Variants in ANKRD30B observed in about 807,000 individuals in gnomAD.
ANKRD30B encodes ankyrin repeat domain-containing protein 30B.
Under a neutral mutation model 202.2 loss-of-function variants are expected in ANKRD30B, and 144 were observed. That is an observed-to-expected ratio of 0.71 (90% CI 0.62 to 0.82). The LOEUF (loss-of-function observed/expected upper bound fraction) is 0.82. Ranked by LOEUF, ANKRD30B falls within the 40% of genes least tolerant of loss-of-function variation. The pLI, the probability that ANKRD30B is intolerant of heterozygous loss-of-function variation, is 0.00. For synonymous variants in ANKRD30B, 508 were observed against 561.3 expected (o/e 0.91, Z 1.34); for missense variants, 1,487 against 1,669.1 (o/e 0.89, Z 1.90).
At chr18:14,836,903 T>G (rs1169362243) in intron 34 of ANKRD30B, among the ~76,000 whole-genome samples, 3 of 152,118 alleles carry the variant, frequency 2.0e-5, no homozygotes, top group South Asian at 2.1e-4. Context: ...CAGGTAAAAC[T>G]GATTTTTCTC....
In ANKRD30B at chr18:14,831,427, T is replaced by C. The variant is rs947644922; in HGVS notation, c.2819T>C (p.Val940Ala). Residue 940 changes from valine (V) to alanine (A), a missense_variant, in exon 34 of 44, where the codon GTT becomes GCT. By Grantham distance (64) the Val-to-Ala change is moderately conservative. Coordinates refer to ENST00000690538, the MANE Select transcript of ANKRD30B (RefSeq NM_001367607.2). ...ACTGAAAATTCACAGTCTACAAAAGTTGAGGAAGACTTTAATCTTACTACC... is the reference window on the plus strand; with the variant it reads ...ACTGAAAATTCACAGTCTACAAAAGCTGAGGAAGACTTTAATCTTACTACC... ...PTTENSQSTK[V>A]EEDFNLTTKE... 3 of 1,533,932 alleles carry C rather than the reference T, an allele frequency of 2.0e-6. No homozygotes were observed. Among genetic ancestry groups the C allele is most frequent in the East Asian group, 2.5e-5 (1 of 40,710 alleles).
chr18:14,761,798 A>G (rs1915302677), intron 6 of ANKRD30B, among the ~76,000 whole-genome samples: 1 of 152,120 alleles, frequency 6.6e-6, no homozygotes, highest in East Asian at 1.9e-4. Context: ...TTTAATTTTT[A>G]CAATAAATGG....
chr18:14,937,948 C>G, the ANKRD30B span, among the ~76,000 whole-genome samples: 460 of 152,330 alleles, frequency 3.0e-3, 2 homozygotes, highest in South Asian at 0.016. Flanking sequence ...TGTACATCCT[C>G]CCATCAAACA....
chr18:14,781,288 C>CTTTTTTT (rs892666549), intron 11 of ANKRD30B, among the ~76,000 whole-genome samples: 14 of 85,670 alleles, frequency 1.6e-4, no homozygotes, highest in African/African-American at 1.9e-4. Context: ...TCTGAGTATT[C>CTTTTTTT]TTTTTTTTTT....
chr18:14,780,958 A>G (rs1170849449), intron 11 of ANKRD30B, among the ~76,000 whole-genome samples: 1 of 152,262 alleles, frequency 6.6e-6, no homozygotes, highest in Admixed American at 6.5e-5. Flanking sequence ...AGTATCAAAT[A>G]ATAATGATGT....
intron 1 of ANKRD30B, among the ~76,000 whole-genome samples, chr18:14,751,714 G>C (rs1411161556): frequency 2.6e-5 from 4 of 152,120 alleles, no homozygotes; most frequent in African/African-American, 9.7e-5. Context: ...TCTTTGGCTT[G>C]AAGTTTTTAA....
At chr18:14,929,593 C>T in the ANKRD30B span, among the ~76,000 whole-genome samples, 1 of 152,138 alleles carries the variant, frequency 6.6e-6, no homozygotes, top group Non-Finnish European at 1.5e-5. Flanking sequence ...GAATAGGATA[C>T]TGGGATATTT....
chr18:14,831,183 A>AAAAAAAAAC (rs1970913231), intron 33 of ANKRD30B, among the ~76,000 whole-genome samples, 200 bp from the exon 34 acceptor site: 1 of 149,036 alleles, frequency 6.7e-6, no homozygotes, highest in African/African-American at 2.5e-5. Flanking sequence ...CCGTCTCGGA[A>AAAAAAAAAC]AAAAAAAAAA....
the ANKRD30B span, among the ~76,000 whole-genome samples, chr18:14,895,864 GA>G: frequency 1.3e-5 from 2 of 152,302 alleles, no homozygotes; most frequent in Admixed American, 1.3e-4. Flanking sequence ...GGGCCTTGAG[GA>G]GAGGAGAAAA....
chr18:14,766,692 T>G (rs925313241), intron 7 of ANKRD30B, among the ~76,000 whole-genome samples: 10 of 152,002 alleles, frequency 6.6e-5, no homozygotes, highest in African/African-American at 2.4e-4. Context: ...TAGAATAATT[T>G]TATTATAATT....
At chr18:14,913,741 T>C in the ANKRD30B span, among the ~76,000 whole-genome samples, 3 of 152,156 alleles carry the variant, frequency 2.0e-5, no homozygotes, top group African/African-American at 7.2e-5. Flanking sequence ...TGGTAAGTGA[T>C]GGGGTGAGGG....
At chr18:14,795,385 C>T (rs1050260350) in intron 16 of ANKRD30B, among the ~76,000 whole-genome samples, 8 of 152,166 alleles carry the variant, frequency 5.3e-5, no homozygotes, top group Admixed American at 1.3e-4. Context: ...TTTGTGGAGA[C>T]AGGGTTTCGC....
In ANKRD30B at chr18:14,799,293, CA is replaced by C. The variant is rs1949433673; in HGVS notation, c.2130del (p.Ala711LeufsTer46). The C allele has an allele frequency of 6.6e-6, 10 of 1,524,116 alleles. No homozygotes were observed. In the Middle Eastern group the frequency reaches 1.7e-3, roughly 252 times the overall value. 94.4% of individuals were successfully genotyped at this position (1,524,116 alleles called of 1,614,324 possible). On this transcript the variant is annotated frameshift_variant and splice_region_variant, in exon 22 of 44. Transcript: ENST00000690538. LOFTEE classifies it high-confidence loss of function. The part of the protein sequence containing the change: ...LELKDRETFK[A>X]AQMFPSESKQ... The stretch of plus-strand genomic sequence containing the variant: ...TTGAAGGACAGAGAAACATTCAAAG[CA>C]GGTAAATTTTGCAATTTTAATTTTA...
intron 6 of ANKRD30B, among the ~76,000 whole-genome samples, chr18:14,763,252 A>C (rs1915541287): frequency 6.6e-6 from 1 of 152,154 alleles, no homozygotes; most frequent in Admixed American, 6.5e-5. Context: ...TTAAAGCTTT[A>C]AAATGTTTGG....
chr18:14,815,427 C>A (rs1207335250), intron 30 of ANKRD30B, among the ~76,000 whole-genome samples: 1 of 151,964 alleles, frequency 6.6e-6, no homozygotes, highest in African/African-American at 2.4e-5. Context: ...AGTTGTCAGG[C>A]GATGCTGATG....
chr18:14,820,369 C>G lies in ANKRD30B; in HGVS notation c.2642-2114C>G, dbSNP rs1044706024. ...TACCCTTTATTTCCTTCTCCTGCCT[C>G]ATTGCCCTGGCCAGAACTTCCAACA... is the stretch of plus-strand genomic sequence containing the variant. On this transcript the variant is annotated intron_variant, in intron 30 of 43. Coordinates refer to ENST00000690538, the MANE Select transcript of ANKRD30B (RefSeq NM_001367607.2). Among the ~76,000 whole-genome samples the G allele has an allele frequency of 8.3e-4, 127 of 152,248 alleles. 1 individual carries two copies. Among genetic ancestry groups the G allele is most frequent in the Middle Eastern group, 3.4e-3 (1 of 294 alleles).
intron 30 of ANKRD30B, among the ~76,000 whole-genome samples, chr18:14,820,183 G>A (rs1173274824): frequency 3.3e-5 from 5 of 152,160 alleles, no homozygotes; most frequent in African/African-American, 4.8e-5. Context: ...TGGTGTATAA[G>A]AATGCTTGTG....
intron 34 of ANKRD30B, among the ~76,000 whole-genome samples, chr18:14,832,836 T>G (rs1285462272): frequency 6.6e-6 from 1 of 152,222 alleles, no homozygotes; most frequent in African/African-American, 2.4e-5. Context: ...AGATATGTAG[T>G]AAATAGGAAA....
chr18:14,789,327 C>T (rs1230183125), intron 15 of ANKRD30B, among the ~76,000 whole-genome samples: 2 of 152,072 alleles, frequency 1.3e-5, no homozygotes, highest in East Asian at 3.9e-4. Flanking sequence ...AAATGTTCTC[C>T]CATTTTGTAG....
Sources: gnomAD v4.1 joint callset for allele counts (sites outside exome capture counted in the v4.1 genomes callset) on GRCh38, gnomAD v4.1.1 for gene constraint, MANE v1.5 for transcripts, NCBI Gene and HGNC (gene_info 2026-07-23, HGNC 2026-07-21) for gene names.